Variants in ADAMTSL1 observed in about 807,000 individuals in gnomAD.
The protein encoded by ADAMTSL1 is ADAMTS like 1.
A neutral mutation model predicts 201.8 loss-of-function variants in ADAMTSL1; 126 were observed. That is an observed-to-expected ratio of 0.62 (90% CI 0.54 to 0.72). ADAMTSL1 has a LOEUF of 0.72. Ranked by LOEUF, ADAMTSL1 falls within the 30% of genes least tolerant of loss-of-function variation. The pLI is 0.00. For synonymous variants in ADAMTSL1, 1,121 were observed against 903.4 expected (o/e 1.24, Z -4.32); for missense variants, 2,679 against 2,277.8 (o/e 1.18, Z -3.59).
chr9:18,893,352 G>A (rs567087281), intron 26 of ADAMTSL1, among the ~76,000 whole-genome samples: 1 of 152,270 alleles, frequency 6.6e-6, no homozygotes, highest in South Asian at 2.1e-4. Context: ...CACTCAAGGA[G>A]GGACGTATGG....
At chr9:18,301,897 A>T (rs557285975) in intron 2 of ADAMTSL1, among the ~76,000 whole-genome samples, 2 of 152,340 alleles carry the variant, frequency 1.3e-5, no homozygotes, top group East Asian at 3.9e-4. Context: ...TGATAAAAAT[A>T]GAACATTATT....
intron 15 of ADAMTSL1, among the ~76,000 whole-genome samples, chr9:18,752,260 C>G (rs1376719175): frequency 1.3e-5 from 2 of 152,080 alleles, no homozygotes; most frequent in Non-Finnish European, 2.9e-5. Context: ...AGTTACATGT[C>G]AGAGCAGTAG....
At chr9:18,300,973 G>A (rs1461444652) in intron 2 of ADAMTSL1, among the ~76,000 whole-genome samples, 1 of 152,008 alleles carries the variant, frequency 6.6e-6, no homozygotes, top group African/African-American at 2.4e-5. Context: ...AAATTGAGCA[G>A]GCAAAAAAAT....
intron 1 of ADAMTSL1, among the ~76,000 whole-genome samples, chr9:18,026,185 G>A (rs1425133630): frequency 1.3e-5 from 2 of 151,828 alleles, no homozygotes; most frequent in African/African-American, 4.8e-5. Flanking sequence ...TTTTCTATTC[G>A]GATGTCTTTT....
chr9:18,294,823 A>T (rs1304425725), intron 2 of ADAMTSL1, among the ~76,000 whole-genome samples: 1 of 152,178 alleles, frequency 6.6e-6, no homozygotes, highest in Non-Finnish European at 1.5e-5. Context: ...TGACTGAACA[A>T]GTGTTTTATG....
In ADAMTSL1 at chr9:18,452,843, C is replaced by T. The variant is rs957770104; in HGVS notation, c.208-51986C>T. On this transcript the variant is annotated intron_variant, in intron 2 of 29. Transcript: ENST00000680146. Reference sequence around the variant, plus strand: ...ACGCAGCCTCATTCCTTTGACTTTGCTGGGCTTAGTCCACCAGCAGCTCAC... The same window carrying T: ...ACGCAGCCTCATTCCTTTGACTTTGTTGGGCTTAGTCCACCAGCAGCTCAC... 2.1e-4 allele frequency among the ~76,000 whole-genome samples: 32 copies of T among 152,358 alleles called. 1 individual carries two copies. The highest frequency in any genetic ancestry group is 3.5e-4 in the Non-Finnish European group (24 of 68,036).
At chr9:18,844,407 G>C (rs1268289585) in intron 23 of ADAMTSL1, among the ~76,000 whole-genome samples, 4 of 152,176 alleles carry the variant, frequency 2.6e-5, no homozygotes, top group Non-Finnish European at 1.5e-5. Flanking sequence ...TTTTGTCTCA[G>C]AGGAGTACCC....
chr9:18,486,928 G>T (rs1822025630), intron 1 of ADAMTSL1, among the ~76,000 whole-genome samples: 1 of 152,180 alleles, frequency 6.6e-6, no homozygotes, highest in Admixed American at 6.5e-5. Context: ...CTTTACATGG[G>T]ATGCCAGCAA....
chr9:18,904,979 C>T (rs1284087551), intron 26 of ADAMTSL1, among the ~76,000 whole-genome samples: 1 of 152,048 alleles, frequency 6.6e-6, no homozygotes, highest in African/African-American at 2.4e-5. Flanking sequence ...CCAATAAACA[C>T]AAAACTTTTG....
In ADAMTSL1 at chr9:18,870,945, A is replaced by C. The variant is rs554960876; in HGVS notation, c.4250-16886A>C. On this transcript the variant is annotated intron_variant, in intron 23 of 28. Transcript: ENST00000380548. ...CAAGATCTATTCATTCTGTTTTGCA[A>C]AATTTGAAGCATTGTTACTCAACCT... is the stretch of plus-strand genomic sequence containing the variant. Among the ~76,000 whole-genome samples, 9 of 152,268 alleles carry C rather than the reference A, an allele frequency of 5.9e-5. No individual in the cohort carries two copies. The South Asian group carries it at 1.7e-3, about 28-fold the overall frequency.
At chr9:18,654,628 A>T (rs979849212) in intron 7 of ADAMTSL1, among the ~76,000 whole-genome samples, 1 of 152,242 alleles carries the variant, frequency 6.6e-6, no homozygotes, top group Non-Finnish European at 1.5e-5. Flanking sequence ...AACTGCTATA[A>T]GGAAGATTTT....
At chr9:18,260,471 C>T (rs956333713) in intron 2 of ADAMTSL1, among the ~76,000 whole-genome samples, 4 of 152,252 alleles carry the variant, frequency 2.6e-5, no homozygotes, top group Admixed American at 2.6e-4. Context: ...CTCTCCAATC[C>T]TACCTTGTTG....
intron 1 of ADAMTSL1, among the ~76,000 whole-genome samples, chr9:17,972,967 G>C (rs1409185344): frequency 2.0e-5 from 3 of 149,892 alleles, no homozygotes; most frequent in Non-Finnish European, 4.4e-5. Context: ...GTCTTCTTTT[G>C]AGAAGTGTGT....
intron 15 of ADAMTSL1, among the ~76,000 whole-genome samples, chr9:18,752,779 C>G (rs118038657): frequency 2.6e-5 from 4 of 152,202 alleles, no homozygotes; most frequent in Non-Finnish European, 5.9e-5. Context: ...GATGTTTAAA[C>G]GTAAGACAGA....
At chr9:18,096,857 C>G (rs1824273291) in intron 1 of ADAMTSL1, among the ~76,000 whole-genome samples, 1 of 152,144 alleles carries the variant, frequency 6.6e-6, no homozygotes, top group African/African-American at 2.4e-5. Flanking sequence ...TTTACCAGCT[C>G]TAGAACTCAT....
At chr9:18,701,717 T>C (rs192473724) in intron 13 of ADAMTSL1, among the ~76,000 whole-genome samples, 58 of 152,300 alleles carry the variant, frequency 3.8e-4, no homozygotes, top group African/African-American at 1.3e-3. Flanking sequence ...TTAATGAGAC[T>C]TCCTGCATGT....
chr9:18,666,042 A>G (rs1036618884), intron 9 of ADAMTSL1, among the ~76,000 whole-genome samples: 25 of 152,162 alleles, frequency 1.6e-4, no homozygotes, highest in African/African-American at 6.0e-4. Context: ...ATAATTTGGC[A>G]TTCTTGGTTC....
At chr9:18,358,268 T>C (rs1380091365) in intron 2 of ADAMTSL1, among the ~76,000 whole-genome samples, 1 of 152,244 alleles carries the variant, frequency 6.6e-6, no homozygotes, top group Admixed American at 6.5e-5. Context: ...TATTGAACTA[T>C]ATGGAGGAAA....
intron 7 of ADAMTSL1, among the ~76,000 whole-genome samples, chr9:18,652,203 C>A (rs902408788): frequency 6.6e-6 from 1 of 151,870 alleles, no homozygotes; most frequent in Non-Finnish European, 1.5e-5. Flanking sequence ...GAAACCCCAT[C>A]TCTACTAAAA....
Sources: gnomAD v4.1 joint callset for allele counts (sites outside exome capture counted in the v4.1 genomes callset) on GRCh38, gnomAD v4.1.1 for gene constraint, MANE v1.5 for transcripts, NCBI Gene and HGNC (gene_info 2026-07-23, HGNC 2026-07-21) for gene names.